RHBDL2: variants seen among roughly 807,000 people sequenced by gnomAD.
RHBDL2 encodes the protein rhomboid-related protein 2.
A neutral mutation model predicts 31.7 loss-of-function variants in RHBDL2; 26 were observed. The ratio of observed to expected loss-of-function variants is 0.82; its 90% CI spans 0.60 to 1.14. The LOEUF is 1.14. Among genes scored for constraint, RHBDL2 ranks in the 50% most tolerant of loss-of-function variants. The pLI is 0.00. For synonymous variants in RHBDL2, 123 were observed against 127.2 expected (o/e 0.97, Z 0.22); for missense variants, 336 against 364.4 (o/e 0.92, Z 0.63).
intron 4 of RHBDL2, among the ~76,000 whole-genome samples, chr1:38,900,550 G>A (rs1027958180): frequency 6.6e-5 from 10 of 152,090 alleles, no homozygotes; most frequent in African/African-American, 2.2e-4. Flanking sequence ...GAGCCTGAGA[G>A]GCAGAGGTTG....
At chr1:38,924,078 T>G (rs1423853368) in intron 1 of RHBDL2, among the ~76,000 whole-genome samples, 2 of 152,076 alleles carry the variant, frequency 1.3e-5, no homozygotes, top group Non-Finnish European at 2.9e-5. Flanking sequence ...TGGCAGGTAT[T>G]CTTTTTTCAA....
chr1:38,922,735 C>T (rs534497586), intron 1 of RHBDL2, among the ~76,000 whole-genome samples: 1 of 150,272 alleles, frequency 6.7e-6, no homozygotes, highest in East Asian at 1.9e-4. Flanking sequence ...CTCCCGCTCA[C>T]GTTTATCTTC....
intron 1 of RHBDL2, among the ~76,000 whole-genome samples, chr1:38,920,580 T>C (rs1643299271): frequency 6.6e-6 from 1 of 151,634 alleles, no homozygotes; most frequent in African/African-American, 2.4e-5. Flanking sequence ...CTTTTCGCTA[T>C]TGTGAACATC....
chr1:38,893,087 A>G (rs1642874326), intron 6 of RHBDL2, 77 bp downstream of exon 6: 3 of 889,960 alleles, frequency 3.4e-6, no homozygotes, highest in Non-Finnish European at 5.4e-6. Flanking sequence ...TGTGATTCCC[A>G]AATAAAATGT....
At chr1:38,895,529 T>G (rs902956925) in intron 5 of RHBDL2, among the ~76,000 whole-genome samples, 1 of 152,088 alleles carries the variant, frequency 6.6e-6, no homozygotes, top group African/African-American at 2.4e-5. Flanking sequence ...GGAAGCTAGG[T>G]GCGGCAGCTC....
In RHBDL2 at chr1:38,928,657, G is replaced by T. The variant is rs185517932; in HGVS notation, c.-125-9320C>A. On this transcript the variant is annotated intron_variant, in intron 1 of 7. Transcript: ENST00000372990. ...GATGGGGTTTCTCCATGTTGGTCAGGCTGATCTCGAACTCCCTACCTCAGG... is the reference window on the plus strand; with the variant it reads ...GATGGGGTTTCTCCATGTTGGTCAGTCTGATCTCGAACTCCCTACCTCAGG... 1.0e-3 allele frequency among the ~76,000 whole-genome samples: 149 copies of T among 149,684 alleles called. 1 individual carries two copies. Among genetic ancestry groups the T allele is most frequent in the Non-Finnish European group, 3.1e-4 (21 of 67,536 alleles).
chr1:38,911,577 A>T, intron 3 of RHBDL2, 143 bp from the exon 4 acceptor site: 1 of 629,052 alleles, frequency 1.6e-6, no homozygotes, highest in Non-Finnish European at 2.8e-6. Flanking sequence ...CTTCGCAGAC[A>T]ACTCTTTTTT....
At chr1:38,891,919 C>T (rs1642860273) in intron 6 of RHBDL2, among the ~76,000 whole-genome samples, 3 of 152,176 alleles carry the variant, frequency 2.0e-5, no homozygotes, top group African/African-American at 7.2e-5. Context: ...CACAGCCCTC[C>T]AGGTGGAGAG....
chr1:38,896,442 G>A (rs907374725), intron 4 of RHBDL2, among the ~76,000 whole-genome samples: 1 of 152,176 alleles, frequency 6.6e-6, no homozygotes, highest in African/African-American at 2.4e-5. Flanking sequence ...ATGAGTTGAT[G>A]TGTGTTTTGT....
chr1:38,919,020 T>C lies in RHBDL2; in HGVS notation c.193A>G (p.Arg65Gly). 6.2e-7 allele frequency: 1 copy of C among 1,614,126 alleles called. No homozygotes were observed. Among genetic ancestry groups the C allele is most frequent in the Non-Finnish European group, 8.5e-7 (1 of 1,180,036 alleles). The change falls in exon 2 of 8, where the codon AGA becomes GGA. Residue 65 changes from arginine to glycine, a missense_variant. Arg to Gly is a moderately radical substitution (Grantham distance 125). Coordinates refer to ENST00000372990, the MANE Select transcript of RHBDL2 (RefSeq NM_017821.5). The part of the protein sequence containing the change: ...PEKSRGTYLE[R>G]ANCFPPPVFI... ...ACGGGAGGCGGGAAGCAGTTAGCTC[T>C]CTCCAAGTATGTTCCTCGGGACTTT... is the stretch of plus-strand genomic sequence containing the variant.
At chr1:38,907,674 A>G (rs1342222236) in intron 4 of RHBDL2, among the ~76,000 whole-genome samples, 11 of 152,232 alleles carry the variant, frequency 7.2e-5, no homozygotes, top group Non-Finnish European at 1.3e-4. Flanking sequence ...TCGAGGCTGC[A>G]GGCTGCAGTA....
chr1:38,926,927 T>C (rs1643384210), intron 1 of RHBDL2: 2 of 152,348 alleles, frequency 1.3e-5, no homozygotes, highest in African/African-American at 4.8e-5. Flanking sequence ...AAGATTAACA[T>C]GGTCTCTACA....
chr1:38,924,657 T>C lies in RHBDL2; in HGVS notation c.-125-5320A>G, dbSNP rs192682262. Among the ~76,000 whole-genome samples, 58 of 152,002 alleles carry C rather than the reference T, an allele frequency of 3.8e-4. 1 individual carries two copies. The highest frequency in any genetic ancestry group is 1.3e-3 in the African/African-American group (55 of 41,464). On this transcript the variant is annotated intron_variant, in intron 1 of 7. Coordinates refer to ENST00000372990, the MANE Select transcript of RHBDL2 (RefSeq NM_017821.5). Reference sequence around the variant, plus strand: ...TTCCTGACTTTGCCTAGAATAAGCATTACTTGTTAACAATCACAGAGCCAG... The same window carrying C: ...TTCCTGACTTTGCCTAGAATAAGCACTACTTGTTAACAATCACAGAGCCAG...
chr1:38,938,338 A>T (rs781781197), intron 1 of RHBDL2, among the ~76,000 whole-genome samples: 3 of 152,128 alleles, frequency 2.0e-5, no homozygotes, highest in Non-Finnish European at 4.4e-5. Flanking sequence ...TGGGTATCCA[A>T]TGTCTTTGGT....
chr1:38,897,322 GATCTCC>G (rs893301522), intron 4 of RHBDL2, among the ~76,000 whole-genome samples: 3 of 152,008 alleles, frequency 2.0e-5, no homozygotes, highest in African/African-American at 7.3e-5. Context: ...GGATGGTCTC[GATCTCC>G]TGACCTCGTG....
At chr1:38,913,117 C>T (rs542841482) in intron 3 of RHBDL2, among the ~76,000 whole-genome samples, 9 of 151,268 alleles carry the variant, frequency 5.9e-5, no homozygotes, top group East Asian at 3.9e-4. Flanking sequence ...CAAGTAGCTG[C>T]GGTTACAGGC....
chr1:38,898,501 A>G (rs1279946669), intron 4 of RHBDL2, among the ~76,000 whole-genome samples: 1 of 152,242 alleles, frequency 6.6e-6, no homozygotes, highest in East Asian at 1.9e-4. Flanking sequence ...AGCACTGGAC[A>G]ACATATAGGA....
intron 3 of RHBDL2, among the ~76,000 whole-genome samples, 191 bp from the exon 4 acceptor site, chr1:38,911,625 TGTGTGTGTGTGTGTGTGTGTGC>T (rs1323684234): frequency 4.6e-5 from 6 of 129,036 alleles, no homozygotes; most frequent in Admixed American, 8.3e-5. Context: ...TGTGTGTGTG[TGTGTGTGTGTGTGTGTGTGTGC>T]GCGCGCGCGC....
intron 6 of RHBDL2, among the ~76,000 whole-genome samples, chr1:38,890,315 T>C (rs1642838854): frequency 6.6e-6 from 1 of 152,174 alleles, no homozygotes; most frequent in Admixed American, 6.5e-5. Context: ...CTACCGTGCC[T>C]GGCCCATATT....
Sources: gnomAD v4.1 joint callset for allele counts (sites outside exome capture counted in the v4.1 genomes callset) on GRCh38, gnomAD v4.1.1 for gene constraint, MANE v1.5 for transcripts, NCBI Gene and HGNC (gene_info 2026-07-23, HGNC 2026-07-21) for gene names.